The following C6 variants were observed in gnomAD, a reference collection of about 807,000 sequenced individuals.
The protein encoded by C6 is complement component C6.
In C6, 101 loss-of-function variants were observed where a neutral mutation model predicts 112.9. That is an observed-to-expected ratio of 0.89 (90% CI 0.76 to 1.06). The LOEUF (loss-of-function observed/expected upper bound fraction) is 1.06, where lower values mean the gene tolerates loss of function less well. Among genes scored for constraint, C6 ranks in the 50% least tolerant of loss-of-function variants. The pLI, the probability that C6 is intolerant of heterozygous loss-of-function variation, is 0.00. For synonymous variants in C6, 431 were observed against 384.1 expected (o/e 1.12, Z -1.43); for missense variants, 1,202 against 1,104.6 (o/e 1.09, Z -1.25).
chr5:41,208,199 T>A lies in C6; in HGVS notation c.-20-4949A>T, dbSNP rs551378207. On this transcript the variant is annotated intron_variant, in intron 1 of 17. Coordinates refer to ENST00000337836, the MANE Select transcript of C6 (RefSeq NM_000065.5). The stretch of plus-strand genomic sequence containing the variant: ...AGAACAAAGACATAACATACCAGAA[T>A]CTCTGGGACACATTTAAAGCAGTGT... 7.9e-5 allele frequency among the ~76,000 whole-genome samples: 12 copies of A among 152,190 alleles called. No homozygotes were observed. The South Asian group carries it at 2.3e-3, about 29-fold the overall frequency.
chr5:41,144,447 T>C (rs1466657140), intron 17 of C6, among the ~76,000 whole-genome samples: 1 of 152,070 alleles, frequency 6.6e-6, no homozygotes, highest in African/African-American at 2.4e-5. Flanking sequence ...TATTACTCTT[T>C]GTAGAGATAG....
intron 1 of C6, among the ~76,000 whole-genome samples, chr5:41,226,451 C>T (rs906055243): frequency 6.6e-6 from 1 of 152,160 alleles, no homozygotes; most frequent in Non-Finnish European, 1.5e-5. Flanking sequence ...AGTCAGGAAA[C>T]AACAGGTGCT....
chr5:41,162,738 G>T (rs1451101208), intron 9 of C6, among the ~76,000 whole-genome samples: 1 of 152,186 alleles, frequency 6.6e-6, no homozygotes, highest in Non-Finnish European at 1.5e-5. Flanking sequence ...TAGTAAGATA[G>T]TCTAGAATGA....
chr5:41,223,276 G>A (rs1246577336), intron 1 of C6, among the ~76,000 whole-genome samples: 1 of 152,170 alleles, frequency 6.6e-6, no homozygotes, highest in African/African-American at 2.4e-5. Flanking sequence ...AAACTGTGAT[G>A]ATTTCGTTAT....
intron 14 of C6, 97 bp downstream of exon 14, chr5:41,154,875 T>C: frequency 7.9e-7 from 1 of 1,266,068 alleles, no homozygotes; most frequent in Non-Finnish European, 1.2e-6. Flanking sequence ...TAAAAACTAG[T>C]AAAATGTATT....
chr5:41,223,771 T>A (rs1739319313), intron 1 of C6, among the ~76,000 whole-genome samples: 1 of 152,186 alleles, frequency 6.6e-6, no homozygotes, highest in African/African-American at 2.4e-5. Flanking sequence ...TACTTTTATT[T>A]AATATAAGGT....
At chr5:41,177,673 T>A (rs1748969849) in intron 7 of C6, among the ~76,000 whole-genome samples, 1 of 152,094 alleles carries the variant, frequency 6.6e-6, no homozygotes, top group Non-Finnish European at 1.5e-5. Context: ...AGAAAAAAAA[T>A]AATCCCAAGG....
At chr5:41,161,597 T>C (rs1747509087) in intron 10 of C6, 96 bp downstream of exon 10, 3 of 1,014,758 alleles carry the variant, frequency 3.0e-6, no homozygotes, top group South Asian at 2.6e-5. Context: ...TCTTTCATTG[T>C]CTGAGAAGAA....
intron 1 of C6, among the ~76,000 whole-genome samples, chr5:41,225,400 T>A (rs1337261960): frequency 6.6e-6 from 1 of 152,194 alleles, no homozygotes; most frequent in Non-Finnish European, 1.5e-5. Flanking sequence ...AATGAACTCA[T>A]CATTTTTTAC....
rs112199499 is a variant in C6 at position 41,257,677 on chromosome 5, A to G, written c.-21+3517T>C. On this transcript the variant is annotated intron_variant, in intron 1 of 17. Transcript: ENST00000263413. The stretch of plus-strand genomic sequence containing the variant: ...GGAATAGAAAGCCACAAACAACCAT[A>G]TCACATCTACTCACCTACCTGCTTT... Among the ~76,000 whole-genome samples the G allele has an allele frequency of 5.7e-3, 862 of 152,262 alleles. 9 individuals carry two copies. The highest frequency in any genetic ancestry group is 0.02 in the African/African-American group (819 of 41,556).
intron 1 of C6, among the ~76,000 whole-genome samples, chr5:41,228,141 T>C (rs76205201): frequency 3.3e-5 from 5 of 152,232 alleles, no homozygotes; most frequent in South Asian, 4.1e-4. Flanking sequence ...CTTCCATTTT[T>C]TTCAGCATTA....
At chr5:41,256,443 T>TAAA (rs5867547) in intron 1 of C6, among the ~76,000 whole-genome samples, 39 of 122,878 alleles carry the variant, frequency 3.2e-4, no homozygotes, top group Admixed American at 8.6e-4. Context: ...AAAAAAAAAG[T>TAAA]AAAAAAAAAA....
rs141740854 is a variant in C6 at position 41,209,344 on chromosome 5, C to A, written c.-21+4032G>T. 8.1e-3 allele frequency among the ~76,000 whole-genome samples: 1,231 copies of A among 152,192 alleles called. 19 individuals are homozygous for A. Among genetic ancestry groups the A allele is most frequent in the African/African-American group, 0.028 (1,155 of 41,518 alleles). ...GATTCCCTCTTTCACCACCCCTATT[C>A]AACATAGTGTTGGAAGTTCTGGCCA... On this transcript the variant is annotated intron_variant, in intron 1 of 17. Transcript: ENST00000337836.
intron 1 of C6, among the ~76,000 whole-genome samples, chr5:41,246,668 G>A (rs1444910): frequency 0.17 from 26,537 of 152,102 alleles, 2,791 homozygotes; most frequent in South Asian, 0.35. Context: ...CTAACTCTAG[G>A]CTGTTTCTTT....
intron 5 of C6, among the ~76,000 whole-genome samples, chr5:41,187,854 A>C (rs907223574): frequency 3.9e-5 from 6 of 152,250 alleles, no homozygotes; most frequent in Admixed American, 3.3e-4. Flanking sequence ...AATACATACT[A>C]TCTCTCCCAT....
chr5:41,239,067 G>T (rs1740521032), intron 1 of C6, among the ~76,000 whole-genome samples: 1 of 150,212 alleles, frequency 6.7e-6, no homozygotes, highest in South Asian at 2.1e-4. Context: ...GGGTATTTTG[G>T]GTATTCATCA....
chr5:41,161,546 A>T lies in C6; in HGVS notation c.1458+147T>A, dbSNP rs768070361. 2.1e-5 allele frequency: 15 copies of T among 705,868 alleles called. 1 individual carries two copies. Among genetic ancestry groups the T allele is most frequent in the Admixed American group, 1.7e-4 (8 of 48,192 alleles). 43.7% of individuals were successfully genotyped at this position (705,868 alleles called of 1,614,324 possible). On this transcript the variant is annotated intron_variant, in intron 10 of 17. Transcript: ENST00000337836. Reference sequence around the variant, plus strand: ...GCATTAGACATGCAATTTAACATTTAAAAAAAGGTACATTGTGCATGAATA... The same window carrying T: ...GCATTAGACATGCAATTTAACATTTTAAAAAAGGTACATTGTGCATGAATA...
chr5:41,230,734 G>C lies in C6; in HGVS notation c.-20-27484C>G, dbSNP rs189155278. On this transcript the variant is annotated intron_variant, in intron 1 of 17. Transcript: ENST00000263413. ...CTTTTAAAATCCCTAATAAAAACGT[G>C]CTGGTTTTGCAGCTTGGGGTCGTCA... 2.6e-5 allele frequency among the ~76,000 whole-genome samples: 4 copies of C among 152,140 alleles called. No individual in the cohort carries two copies. In the East Asian group the frequency reaches 7.7e-4, roughly 29 times the overall value.
chr5:41,142,876 T>C lies in C6; in HGVS notation c.2754A>G (p.Arg918=). Residue 918 remains arginine, a synonymous_variant, in exon 18 of 18, where the codon AGA becomes AGG. Coordinates refer to ENST00000337836, the MANE Select transcript of C6 (RefSeq NM_000065.5). ...GTATTTCCATCTTCCTGTTTGCACA[T>C]CTTATAGTTCCCACTTCACAGATGT... ...TLNICEVGTI[R]CANRKMEILH... 4 of 1,613,706 alleles carry C rather than the reference T, an allele frequency of 2.5e-6. No individual in the cohort carries two copies. Among genetic ancestry groups the C allele is most frequent in the Non-Finnish European group, 3.4e-6 (4 of 1,179,754 alleles).
Sources: gnomAD v4.1 joint callset for allele counts (sites outside exome capture counted in the v4.1 genomes callset) on GRCh38, gnomAD v4.1.1 for gene constraint, MANE v1.5 for transcripts, NCBI Gene and HGNC (gene_info 2026-07-23, HGNC 2026-07-21) for gene names.